The following EPHA5 variants were observed in gnomAD, a reference collection of about 807,000 sequenced individuals.
The protein encoded by EPHA5 is ephrin type-A receptor 5.
Under a neutral mutation model 105.0 loss-of-function variants are expected in EPHA5, and 60 were observed. The ratio of observed to expected loss-of-function variants is 0.57; its 90% CI spans 0.46 to 0.71. EPHA5 has a LOEUF of 0.71. Among genes scored for constraint, EPHA5 ranks in the 30% least tolerant of loss-of-function variants. The pLI, the probability that EPHA5 is intolerant of heterozygous loss-of-function variation, is 0.00. For missense variants in EPHA5, 1,218 were observed against 1,274.7 expected, an observed-to-expected ratio of 0.96 and a Z score of 0.68; for synonymous variants, 513 against 449.1, an observed-to-expected ratio of 1.14 and a Z score of -1.80.
chr4:65,470,958 A>G (rs1171998178), intron 5 of EPHA5, among the ~76,000 whole-genome samples: 2 of 152,204 alleles, frequency 1.3e-5, no homozygotes, highest in Non-Finnish European at 2.9e-5. Context: ...CCCAGCAGCC[A>G]TACACTGCTG....
In EPHA5 at chr4:65,366,017, G is replaced by A. The variant is rs374583083; in HGVS notation, c.1902C>T (p.Thr634=). ...PGVRTYIDPH[T]YEDPNQAVHE... ...GGACAGCTTGATTGGGATCCTCATA[G>A]GTATGTGGATCAATGTAAGTTCTTA... Residue 634 remains threonine (T), a synonymous_variant, in exon 10 of 17, where the codon ACC becomes ACT. Coordinates refer to ENST00000613740, the MANE Select transcript of EPHA5 (RefSeq NM_001281766.3). The A allele has an allele frequency of 1.4e-5, 23 of 1,600,430 alleles. No individual in the cohort carries two copies. The African/African-American group carries it at 2.5e-4, about 18-fold the overall frequency.
chr4:65,418,694 T>C (rs191695267), intron 6 of EPHA5, among the ~76,000 whole-genome samples: 1 of 151,992 alleles, frequency 6.6e-6, no homozygotes, highest in Non-Finnish European at 1.5e-5. Flanking sequence ...TGTAGAAACA[T>C]TAAAAACCTG....
At chr4:65,350,868 C>CT (rs1398995230) in intron 13 of EPHA5, among the ~76,000 whole-genome samples, 1 of 151,880 alleles carries the variant, frequency 6.6e-6, no homozygotes, top group African/African-American at 2.4e-5. Flanking sequence ...GAAGGAATAG[C>CT]TCTTTTTTCC....
At chr4:65,354,143 C>T (rs74740718) in intron 11 of EPHA5, among the ~76,000 whole-genome samples, 342 of 151,830 alleles carry the variant, frequency 2.3e-3, no homozygotes, top group African/African-American at 8.0e-3. Flanking sequence ...CGAGTATCTG[C>T]TAAGTCATAT....
intron 5 of EPHA5, among the ~76,000 whole-genome samples, chr4:65,431,633 T>C (rs1244376415): frequency 6.6e-6 from 1 of 152,114 alleles, no homozygotes; most frequent in African/African-American, 2.4e-5. Context: ...GAAAACCTAC[T>C]GTATGCCAAG....
At chr4:65,351,645 G>C in intron 12 of EPHA5, 47 bp from the exon 13 acceptor site, 1 of 1,555,548 alleles carries the variant, frequency 6.4e-7, no homozygotes, top group Non-Finnish European at 8.8e-7. Context: ...CCAATCACTG[G>C]GGGAAAATAT....
At chr4:65,416,355 T>C (rs1300369567) in intron 6 of EPHA5, among the ~76,000 whole-genome samples, 1 of 152,026 alleles carries the variant, frequency 6.6e-6, no homozygotes, top group Admixed American at 6.6e-5. Context: ...GATAAAATTA[T>C]TTACCAAGAA....
intron 8 of EPHA5, among the ~76,000 whole-genome samples, chr4:65,396,432 C>T (rs1339129859): frequency 5.3e-5 from 8 of 150,100 alleles, no homozygotes; most frequent in African/African-American, 1.3e-4. Context: ...CTGACTACCA[C>T]TGAAAAGCAG....
intron 3 of EPHA5, among the ~76,000 whole-genome samples, chr4:65,584,261 A>G (rs2149402922): frequency 6.6e-6 from 1 of 152,022 alleles, no homozygotes; most frequent in East Asian, 1.9e-4. Flanking sequence ...CTGTGACTAA[A>G]TCTCTGTTGG....
intron 3 of EPHA5, among the ~76,000 whole-genome samples, chr4:65,561,396 T>C (rs1436018171): frequency 2.0e-5 from 3 of 152,010 alleles, no homozygotes; most frequent in Non-Finnish European, 4.4e-5. Context: ...GTATCCAGGG[T>C]AGTCTCTCAT....
chr4:65,529,111 A>C (rs1330368256), intron 3 of EPHA5, among the ~76,000 whole-genome samples: 1 of 152,166 alleles, frequency 6.6e-6, no homozygotes, highest in Non-Finnish European at 1.5e-5. Context: ...ATTTTCTTTT[A>C]AAACAACTAT....
intron 5 of EPHA5, among the ~76,000 whole-genome samples, chr4:65,475,662 T>G (rs1729725996): frequency 6.6e-6 from 1 of 152,176 alleles, no homozygotes; most frequent in African/African-American, 2.4e-5. Flanking sequence ...ATTCATAGCA[T>G]GTATGCCAAT....
At chr4:65,616,594 A>G (rs11131605) in intron 2 of EPHA5, among the ~76,000 whole-genome samples, 37,176 of 151,820 alleles carry the variant, frequency 0.24, 5,249 homozygotes, top group East Asian at 0.56. Flanking sequence ...TTCAAAGCTC[A>G]TATTTCAACT....
intron 11 of EPHA5, among the ~76,000 whole-genome samples, chr4:65,358,953 C>T (rs774440121): frequency 4.0e-5 from 6 of 151,436 alleles, no homozygotes; most frequent in South Asian, 2.1e-4. Flanking sequence ...CTTACATTAG[C>T]GAAAGTGGTT....
At chr4:65,625,675 TAAG>T (rs1345347451) in intron 2 of EPHA5, among the ~76,000 whole-genome samples, 1 of 152,190 alleles carries the variant, frequency 6.6e-6, no homozygotes, top group African/African-American at 2.4e-5. Context: ...GTAGTTATGA[TAAG>T]AAATAGTCCA....
At chr4:65,476,017 G>C (rs1729761019) in intron 5 of EPHA5, among the ~76,000 whole-genome samples, 1 of 151,800 alleles carries the variant, frequency 6.6e-6, no homozygotes, top group Admixed American at 6.6e-5. Flanking sequence ...AGAGAAAAGA[G>C]ATAGAAAATA....
intron 5 of EPHA5, among the ~76,000 whole-genome samples, chr4:65,443,706 A>G (rs1260870568): frequency 3.3e-5 from 5 of 152,110 alleles, no homozygotes; most frequent in Non-Finnish European, 5.9e-5. Flanking sequence ...GCTAATAGGA[A>G]AGGCAATTTC....
At chr4:65,638,504 G>A (rs930710433) in intron 2 of EPHA5, among the ~76,000 whole-genome samples, 11 of 152,076 alleles carry the variant, frequency 7.2e-5, no homozygotes, top group Admixed American at 3.9e-4. Flanking sequence ...TTGGGAGACC[G>A]AGGCAGGCGT....
chr4:65,520,320 G>A (rs960634250), intron 3 of EPHA5, among the ~76,000 whole-genome samples: 1 of 152,256 alleles, frequency 6.6e-6, no homozygotes, highest in African/African-American at 2.4e-5. Context: ...AAACTGCCTA[G>A]CCATATGTCG....
Sources: gnomAD v4.1 joint callset for allele counts (sites outside exome capture counted in the v4.1 genomes callset) on GRCh38, gnomAD v4.1.1 for gene constraint, MANE v1.5 for transcripts, NCBI Gene and HGNC (gene_info 2026-07-23, HGNC 2026-07-21) for gene names.